RASSF3: variants seen among roughly 807,000 people sequenced by gnomAD.
RASSF3 encodes the protein ras association domain-containing protein 3.
In RASSF3, 19 loss-of-function variants were observed where a neutral mutation model predicts 19.9. The observed-to-expected ratio is 0.96, with a 90% confidence interval of 0.67 to 1.40. The LOEUF is 1.40. Among genes scored for constraint, RASSF3 ranks in the 40% most tolerant of loss-of-function variants. The pLI is 0.00. For missense variants in RASSF3, 306 were observed against 289.8 expected (o/e 1.06, Z -0.41); for synonymous variants, 110 against 104.2 (o/e 1.06, Z -0.34).
At chr12:64,652,070 A>T (rs1425207101) in intron 1 of RASSF3, among the ~76,000 whole-genome samples, 11 of 152,136 alleles carry the variant, frequency 7.2e-5, no homozygotes, top group Non-Finnish European at 1.6e-4. Context: ...TTTACAACAG[A>T]CTAGTTGGTG....
At chr12:64,517,566 A>T (rs1168713886) in intron 1 of RASSF3, among the ~76,000 whole-genome samples, 1 of 152,108 alleles carries the variant, frequency 6.6e-6, no homozygotes, top group East Asian at 1.9e-4. Context: ...TGTAAGTATG[A>T]TGCCACTTCC....
intron 1 of RASSF3, among the ~76,000 whole-genome samples, chr12:64,540,763 T>C (rs1868921133): frequency 6.6e-6 from 1 of 152,188 alleles, no homozygotes; most frequent in African/African-American, 2.4e-5. Context: ...AAGACTGCAG[T>C]AAGCTATGAT....
intron 1 of RASSF3, among the ~76,000 whole-genome samples, chr12:64,538,386 G>A (rs1395856468): frequency 6.6e-6 from 1 of 152,048 alleles, no homozygotes; most frequent in Non-Finnish European, 1.5e-5. Context: ...TAAATGCCCT[G>A]TCTCCAAATA....
At position 64,688,097 on chromosome 12, in the gene RASSF3, A is replaced by G. The variant is rs1565871999; in HGVS notation, c.220-119A>G. The G allele has an allele frequency of 2.6e-6, 2 of 771,996 alleles. 1 individual carries two copies. Among genetic ancestry groups the G allele is most frequent in the South Asian group, 3.2e-5 (2 of 62,182 alleles). 47.8% of individuals were successfully genotyped at this position (771,996 alleles called of 1,614,324 possible). On this transcript the variant is annotated intron_variant, in intron 2 of 4. Transcript: ENST00000542104. The stretch of plus-strand genomic sequence containing the variant: ...GGGCAATCTTTAGTGAAGTTCTGCC[A>G]CAAACCTCAAGAGAAGAGAACAAAG...
chr12:64,532,892 A>G (rs1868743776), upstream of RASSF3, among the ~76,000 whole-genome samples: 1 of 152,110 alleles, frequency 6.6e-6, no homozygotes, highest in Non-Finnish European at 1.5e-5. Context: ...CTCATTTTAG[A>G]GAAGAAATGG....
intron 1 of RASSF3, among the ~76,000 whole-genome samples, chr12:64,681,200 C>T (rs958268785): frequency 6.6e-6 from 1 of 152,152 alleles, no homozygotes; most frequent in Non-Finnish European, 1.5e-5. Flanking sequence ...GTAGTAAGCC[C>T]CTAGGATGTA....
At chr12:64,615,562 C>T (rs540761223) in intron 1 of RASSF3, among the ~76,000 whole-genome samples, 1 of 152,256 alleles carries the variant, frequency 6.6e-6, no homozygotes, top group African/African-American at 2.4e-5. Context: ...CTAGAATCAA[C>T]AGTAATGAGC....
chr12:64,610,954 C>T (rs1870334033), intron 1 of RASSF3, among the ~76,000 whole-genome samples: 1 of 151,860 alleles, frequency 6.6e-6, no homozygotes, highest in South Asian at 2.1e-4. Context: ...GGAGGAAGGG[C>T]GGGGAGGCTG....
chr12:64,517,385 A>G (rs890683505), intron 1 of RASSF3, among the ~76,000 whole-genome samples: 2 of 152,170 alleles, frequency 1.3e-5, no homozygotes, highest in African/African-American at 4.8e-5. Flanking sequence ...AACAAAATAA[A>G]ATGTTCTAAA....
At chr12:64,555,741 T>A (rs1233715963) in intron 2 of RASSF3, among the ~76,000 whole-genome samples, 1 of 122,012 alleles carries the variant, frequency 8.2e-6, no homozygotes. Flanking sequence ...AGAGCAAGAC[T>A]CTATCTCAAA....
At chr12:64,636,344 C>T (rs1457021287) in intron 1 of RASSF3, among the ~76,000 whole-genome samples, 2 of 151,860 alleles carry the variant, frequency 1.3e-5, no homozygotes, top group African/African-American at 4.8e-5. Context: ...GGATTCCCGA[C>T]CTCAGGCTAT....
chr12:64,593,985 C>T (rs1312970728), intron 2 of RASSF3, among the ~76,000 whole-genome samples: 1 of 145,756 alleles, frequency 6.9e-6, no homozygotes, highest in African/African-American at 2.6e-5. Context: ...GCACTCCAGC[C>T]TGGGCGACAG....
At chr12:64,581,076 T>C (rs1332668520) in intron 2 of RASSF3, among the ~76,000 whole-genome samples, 1 of 150,314 alleles carries the variant, frequency 6.7e-6, no homozygotes, top group Admixed American at 6.7e-5. Flanking sequence ...ATGTATTGAA[T>C]CACAATGCAA....
At chr12:64,564,887 T>C (rs1282491276) in intron 2 of RASSF3, among the ~76,000 whole-genome samples, 1 of 151,710 alleles carries the variant, frequency 6.6e-6, no homozygotes, top group Admixed American at 6.6e-5. Flanking sequence ...TTCAAGTGAT[T>C]CTCCTGCCTT....
At chr12:64,512,684 G>A (rs1413549549) in intron 1 of RASSF3, among the ~76,000 whole-genome samples, 1 of 152,132 alleles carries the variant, frequency 6.6e-6, no homozygotes, top group Admixed American at 6.6e-5. Flanking sequence ...ATTAGTCCCT[G>A]AAATACACAA....
intron 1 of RASSF3, among the ~76,000 whole-genome samples, chr12:64,645,208 C>A (rs1348930995): frequency 6.6e-6 from 1 of 152,086 alleles, no homozygotes; most frequent in Admixed American, 6.6e-5. Context: ...TTTGGCAAAC[C>A]ATTATTAAGT....
intron 1 of RASSF3, among the ~76,000 whole-genome samples, chr12:64,639,559 AG>A (rs1871439385): frequency 6.6e-6 from 1 of 152,166 alleles, no homozygotes; most frequent in South Asian, 2.1e-4. Context: ...TTAATTACGA[AG>A]AATGGCATAA....
chr12:64,696,538 G>A lies in RASSF3; in HGVS notation c.*1626G>A, dbSNP rs143124172. On this transcript the variant is annotated 3_prime_UTR_variant, in exon 5 of 5. Transcript: ENST00000542104. ...TTCCCAAGGAATTGTTAACACTTTG[G>A]TGACACCTAATGGATTCTTTTTGAA... The A allele has an allele frequency of 1.3e-5, 2 of 152,080 alleles. No individual in the cohort carries two copies. Among genetic ancestry groups the A allele is most frequent in the African/African-American group, 2.4e-5 (1 of 41,488 alleles). 9.4% of individuals were successfully genotyped at this position (152,080 alleles called of 1,614,324 possible).
chr12:64,518,085 A>G (rs1868398627), intron 1 of RASSF3, among the ~76,000 whole-genome samples: 1 of 152,226 alleles, frequency 6.6e-6, no homozygotes, highest in Non-Finnish European at 1.5e-5. Context: ...GTAACTCAAT[A>G]AAGAAGTGTT....
Sources: gnomAD v4.1 joint callset for allele counts (sites outside exome capture counted in the v4.1 genomes callset) on GRCh38, gnomAD v4.1.1 for gene constraint, MANE v1.5 for transcripts, NCBI Gene and HGNC (gene_info 2026-07-23, HGNC 2026-07-21) for gene names.